Variants in POMT1 observed in about 807,000 individuals in gnomAD.
POMT1 encodes the protein protein O-mannosyltransferase 1.
In POMT1, 85 loss-of-function variants were observed where a neutral mutation model predicts 101.6. That is an observed-to-expected ratio of 0.84 (90% CI 0.70 to 1.00). The LOEUF is 1.00. POMT1 is among the 50% of genes least tolerant of loss of function. POMT1 has a pLI of 0.00. For missense variants in POMT1, 857 were observed against 930.4 expected (o/e 0.92, Z 1.03); for synonymous variants, 371 against 383.0 (o/e 0.97, Z 0.37).
chr9:131,514,227 T>G (rs1947787394), intron 12 of POMT1, among the ~76,000 whole-genome samples: 1 of 152,188 alleles, frequency 6.6e-6, no homozygotes, highest in Admixed American at 6.5e-5. Flanking sequence ...CTGCGGACCG[T>G]GCACAACCCA....
intron 12 of POMT1, among the ~76,000 whole-genome samples, chr9:131,514,622 G>A (rs766393180): frequency 3.3e-5 from 5 of 152,232 alleles, no homozygotes; most frequent in Non-Finnish European, 5.9e-5. Context: ...GGTGCATGGT[G>A]CGGTACCACA....
Position 131,522,975 on chromosome 9 carries a change from T to C in POMT1, c.2047T>C (p.Trp683Arg). The stretch of plus-strand genomic sequence containing the variant: ...CATCTTCAGCGCCCTGGTGGTGGCC[T>C]GGTACTCCTCCGCGTGCCACGTGTC... Reference protein sequence around the residue: ...RSIFSALVVAWYSSACHVSNT... With the variant: ...RSIFSALVVARYSSACHVSNT... Residue 683 changes from tryptophan (W) to arginine (R), a missense_variant, in exon 20 of 20, where the codon TGG (tryptophan) becomes CGG (arginine). Transcript: ENST00000402686. This position sits in a 1 kb window ranked among gnomAD's most constrained non-coding sequence, Gnocchi z 5.5. 1 of 1,603,606 alleles carries C rather than the reference T, an allele frequency of 6.2e-7. No individual in the cohort carries two copies. Among genetic ancestry groups the C allele is most frequent in the Non-Finnish European group, 8.5e-7 (1 of 1,176,786 alleles).
chr9:131,518,888 G>A lies in POMT1; in HGVS notation c.1417G>A (p.Gly473Arg), dbSNP rs376882399. The A allele has an allele frequency of 9.9e-6, 16 of 1,613,850 alleles. No homozygotes were observed. The highest frequency in any genetic ancestry group is 1.3e-5 in the Non-Finnish European group (15 of 1,180,052). Residue 473 changes from glycine to arginine, a missense_variant, in exon 15 of 20, where the codon GGG becomes AGG. Physicochemically the swap from Gly to Arg is moderately radical, Grantham distance 125. Transcript: ENST00000402686. ...DWGYRQLEIV[G>R]EKLSRGYHGS... ...GGGGTATCGGCAACTGGAGATCGTC[G>A]GGGAGAAGCTGTCCCGGGGCTACCA...
intron 6 of POMT1, 152 bp downstream of exon 6, chr9:131,509,174 A>T (rs1375686225): frequency 2.9e-6 from 2 of 678,230 alleles, no homozygotes; most frequent in African/African-American, 3.6e-5. Flanking sequence ...TTTTTTTTTG[A>T]GACGGAGTCC....
intron 10 of POMT1, 63 bp from the exon 11 acceptor site, chr9:131,511,978 T>C: frequency 6.3e-7 from 1 of 1,586,108 alleles, no homozygotes; most frequent in Non-Finnish European, 8.6e-7. Context: ...CCCAAAGTGC[T>C]CTGATTACAG....
In POMT1 at chr9:131,503,976, G is replaced by C. The variant is rs1184313604; in HGVS notation, c.-30-213G>C. On this transcript the variant is annotated intron_variant, in intron 1 of 19. Coordinates refer to ENST00000402686, the MANE Select transcript of POMT1 (RefSeq NM_001077365.2). This position sits in a 1 kb window ranked among gnomAD's most constrained non-coding sequence, Gnocchi z 4.4. ...AGTTGTTGAAAGGAGTGAATGTCCAGTCCTGAGATCCCCTGAATTCCCACC... is the reference window on the plus strand; with the variant it reads ...AGTTGTTGAAAGGAGTGAATGTCCACTCCTGAGATCCCCTGAATTCCCACC... Among the ~76,000 whole-genome samples the C allele has an allele frequency of 6.6e-6, 1 of 152,200 alleles. No homozygotes were observed. Among genetic ancestry groups the C allele is most frequent in the Non-Finnish European group, 1.5e-5 (1 of 68,032 alleles).
At chr9:131,520,849 G>A (rs1425151795) in intron 17 of POMT1, among the ~76,000 whole-genome samples, 1 of 151,972 alleles carries the variant, frequency 6.6e-6, no homozygotes, top group Non-Finnish European at 1.5e-5. Flanking sequence ...GTGTATGTGA[G>A]AGAGAAAGAG....
intron 13 of POMT1, among the ~76,000 whole-genome samples, chr9:131,516,162 A>T (rs1240513295): frequency 7.0e-5 from 2 of 28,748 alleles, no homozygotes; most frequent in Non-Finnish European, 1.8e-4. Flanking sequence ...GGACACTCTC[A>T]CACTCACACG....
chr9:131,523,579 G>C lies in POMT1; in HGVS notation c.*473G>C. ...CGTCCTGGGACAGCTCAGTGTTGGA[G>C]GGCCACCTGAACCACGAGCCAGGGC... On this transcript the variant is annotated 3_prime_UTR_variant, in exon 20 of 20. Coordinates refer to ENST00000402686, the MANE Select transcript of POMT1 (RefSeq NM_001077365.2). 1 of 228,232 alleles carries C rather than the reference G, an allele frequency of 4.4e-6. No homozygotes were observed. The highest frequency in any genetic ancestry group is 8.8e-6 in the Non-Finnish European group (1 of 113,666). 14.1% of individuals were successfully genotyped at this position (228,232 alleles called of 1,614,324 possible).
At position 131,519,405 on chromosome 9, in the gene POMT1, G is replaced by A. The variant is rs1949448380; in HGVS notation, c.1503G>A (p.Glu501=). The A allele has an allele frequency of 1.3e-6, 2 of 1,551,986 alleles. No individual in the cohort carries two copies. Among genetic ancestry groups the A allele is most frequent in the Non-Finnish European group, 1.7e-6 (2 of 1,147,272 alleles). Residue 501 remains glutamate, a synonymous_variant, in exon 16 of 20, where the codon GAG becomes GAA. Coordinates refer to ENST00000402686, the MANE Select transcript of POMT1 (RefSeq NM_001077365.2). The surrounding 1 kb of genome is among the most constrained non-coding windows in gnomAD (Gnocchi z 4.3). ...HRYGASQEQR[E]RERELHSPAQ... is the part of the protein sequence containing the mutation. ...TTCTGCCAGGCCAGGAGCAGAGGGA[G>A]CGGGAACGGGAGCTGCACTCACCTG...
rs1204287361 is a variant in POMT1, at chr9:131,519,102, C to T, written c.1486+145C>T. Reference sequence around the variant, plus strand: ...GTGGCAGGTCATCTCCCTCCCTGCACCCTGCACTCAGCTGCTGCAGTAATA... The same window carrying T: ...GTGGCAGGTCATCTCCCTCCCTGCATCCTGCACTCAGCTGCTGCAGTAATA... On this transcript the variant is annotated intron_variant, in intron 15 of 19. Coordinates refer to ENST00000402686, the MANE Select transcript of POMT1 (RefSeq NM_001077365.2). This position sits in a 1 kb window ranked among gnomAD's most constrained non-coding sequence, Gnocchi z 4.3. 7.6e-6 allele frequency: 10 copies of T among 1,320,208 alleles called. No homozygotes were observed. Among genetic ancestry groups the T allele is most frequent in the East Asian group, 5.0e-5 (2 of 40,022 alleles). 81.8% of individuals were successfully genotyped at this position (1,320,208 alleles called of 1,614,324 possible).
rs114844375 is a variant in POMT1, at chr9:131,517,517, G to A, written c.1273-928G>A. Among the ~76,000 whole-genome samples, 695 of 152,202 alleles carry A rather than the reference G, an allele frequency of 4.6e-3. 5 individuals are homozygous for A. The highest frequency in any genetic ancestry group is 0.016 in the African/African-American group (645 of 41,520). On this transcript the variant is annotated intron_variant, in intron 13 of 19. Transcript: ENST00000402686. ...GGTCTTGAACTCCTGGACTCAAGCC[G>A]TCCTCTTACCTCAGCCTCCCAGAGT...
intron 6 of POMT1, 47 bp downstream of exon 6, chr9:131,509,069 G>A (rs1225891613): frequency 1.4e-6 from 2 of 1,416,290 alleles, no homozygotes; most frequent in African/African-American, 2.8e-5. Flanking sequence ...CAGAGATTCT[G>A]GGTGGTTTGT....
At position 131,511,484 on chromosome 9, in the gene POMT1, A is replaced by C. The variant is rs781596766; in HGVS notation, c.986+17A>C. On this transcript the variant is annotated intron_variant, in intron 10 of 19. Transcript: ENST00000402686. ...CCCCATGATGTAAGGTGATGGTTTT[A>C]CTTTGAAGATAATTAAATGCTTTAT... 6.2e-7 allele frequency: 1 copy of C among 1,613,868 alleles called. No individual in the cohort carries two copies. The highest frequency in any genetic ancestry group is 8.5e-7 in the Non-Finnish European group (1 of 1,179,736).
Position 131,504,177 on chromosome 9 carries a change from C to A in POMT1, c.-30-12C>A. On this transcript the variant is annotated splice_polypyrimidine_tract_variant and intron_variant, in intron 1 of 19. Transcript: ENST00000402686. Reference sequence around the variant, plus strand: ...AGCCCTCATGGACCACGGCTCCTCCCTTCTTTTCTAGGGCGTCTGCCTGAG... The same window carrying A: ...AGCCCTCATGGACCACGGCTCCTCCATTCTTTTCTAGGGCGTCTGCCTGAG... 1 of 1,613,894 alleles carries A rather than the reference C, an allele frequency of 6.2e-7. No homozygotes were observed. Among genetic ancestry groups the A allele is most frequent in the Admixed American group, 1.7e-5 (1 of 60,018 alleles).
chr9:131,511,699 A>G, intron 10 of POMT1: 1 of 601,062 alleles, frequency 1.7e-6, no homozygotes, highest in South Asian at 2.0e-5. Flanking sequence ...GGCTGACCTC[A>G]GCACTGCCTG....
At chr9:131,518,312 G>A in intron 13 of POMT1, 133 bp from the exon 14 acceptor site, 1 of 857,620 alleles carries the variant, frequency 1.2e-6, no homozygotes, top group Non-Finnish European at 2.0e-6. Flanking sequence ...GCCCCTTATA[G>A]CTTCCCTCAC....
chr9:131,520,585 C>T (rs571832847), intron 17 of POMT1, among the ~76,000 whole-genome samples: 4 of 152,234 alleles, frequency 2.6e-5, no homozygotes, highest in South Asian at 2.1e-4. Flanking sequence ...GCACAGTCAG[C>T]GCCCCATAAA....
At chr9:131,511,295 T>C (rs1466731170) in intron 9 of POMT1, 42 bp from the exon 10 acceptor site, 3 of 1,578,608 alleles carry the variant, frequency 1.9e-6, no homozygotes, top group South Asian at 1.1e-5. Flanking sequence ...GGGTCATTTT[T>C]CTTTCTGTCT....
Sources: gnomAD v4.1 joint callset for allele counts (sites outside exome capture counted in the v4.1 genomes callset) on GRCh38, gnomAD v4.1.1 for gene constraint, Gnocchi (gnomAD v3.1) non-coding constraint, MANE v1.5 for transcripts, NCBI Gene and HGNC (gene_info 2026-07-23, HGNC 2026-07-21) for gene names.